The following DLG2 variants were observed in gnomAD, a reference collection of about 807,000 sequenced individuals.
DLG2 encodes the protein discs large MAGUK scaffold protein 2.
In DLG2, 45 loss-of-function variants were observed where a neutral mutation model predicts 132.5. The ratio of observed to expected loss-of-function variants is 0.34; its 90% CI spans 0.27 to 0.44. The LOEUF is 0.44. Among genes scored for constraint, DLG2 ranks in the 20% least tolerant of loss-of-function variants. The probability of loss-of-function intolerance (pLI) is 1.00; values close to 1 mark genes in which losing one functional copy is unlikely to be tolerated. For missense variants in DLG2, 1,045 were observed against 1,196.9 expected, an observed-to-expected ratio of 0.87 and a Z score of 1.87; for synonymous variants, 424 against 419.6, an observed-to-expected ratio of 1.01 and a Z score of -0.13.
At chr11:83,672,993 C>T (rs548030347) in intron 18 of DLG2, among the ~76,000 whole-genome samples, 63 of 152,182 alleles carry the variant, frequency 4.1e-4, no homozygotes, top group South Asian at 2.5e-3. Flanking sequence ...ACCCGGGAGT[C>T]GGAGGTTGCA....
At chr11:85,002,698 A>G (rs1160481337) in intron 6 of DLG2, among the ~76,000 whole-genome samples, 1 of 151,992 alleles carries the variant, frequency 6.6e-6, no homozygotes, top group African/African-American at 2.4e-5. Flanking sequence ...CATGGATTTG[A>G]CCTGCAGAGG....
intron 4 of DLG2, among the ~76,000 whole-genome samples, chr11:85,183,916 G>A (rs1379777192): frequency 6.6e-6 from 1 of 151,844 alleles, no homozygotes; most frequent in Admixed American, 6.6e-5. Context: ...ATTATGTGCT[G>A]GGCACTCTAT....
intron 3 of DLG2, among the ~76,000 whole-genome samples, chr11:85,456,479 T>C (rs565084144): frequency 6.6e-6 from 1 of 152,324 alleles, no homozygotes; most frequent in African/African-American, 2.4e-5. Context: ...AGTTCAGCTC[T>C]AATTTTGGTT....
chr11:83,871,104 C>T (rs2063360478), intron 16 of DLG2, among the ~76,000 whole-genome samples: 1 of 152,188 alleles, frequency 6.6e-6, no homozygotes, highest in South Asian at 2.1e-4. Flanking sequence ...TCCTTGATCA[C>T]TAGGAGACTG....
intron 6 of DLG2, chr11:84,923,482 G>GA (rs1200754074): frequency 2.3e-6 from 1 of 426,120 alleles, no homozygotes; most frequent in African/African-American, 2.4e-5. Flanking sequence ...AGGAGGGGGG[G>GA]AAAGGTGAAG....
chr11:85,400,906 C>A (rs1355656165), intron 3 of DLG2, among the ~76,000 whole-genome samples: 2 of 148,086 alleles, frequency 1.4e-5, no homozygotes, highest in Non-Finnish European at 3.0e-5. Flanking sequence ...ACATTGTGCA[C>A]ATGTACCCTA....
At chr11:85,085,835 G>T (rs2067852262) in intron 6 of DLG2, among the ~76,000 whole-genome samples, 1 of 152,192 alleles carries the variant, frequency 6.6e-6, no homozygotes, top group Admixed American at 6.5e-5. Context: ...TGCCTTCCTA[G>T]AAAAGTGCTT....
intron 3 of DLG2, among the ~76,000 whole-genome samples, chr11:85,567,353 TAG>T (rs1231768897): frequency 2.0e-5 from 3 of 152,188 alleles, no homozygotes. Context: ...AGCAATGTTT[TAG>T]AGTTTTAGTC....
intron 15 of DLG2, among the ~76,000 whole-genome samples, chr11:83,896,898 G>T (rs1345104843): frequency 2.0e-5 from 3 of 152,090 alleles, no homozygotes; most frequent in Admixed American, 1.3e-4. Flanking sequence ...TATAAAGCTT[G>T]AAACTACAGT....
At chr11:83,567,737 A>G (rs1046216732) in intron 19 of DLG2, among the ~76,000 whole-genome samples, 3 of 152,204 alleles carry the variant, frequency 2.0e-5, no homozygotes, top group African/African-American at 7.2e-5. Flanking sequence ...AAGTATAGTG[A>G]AGATGGCAGC....
At chr11:84,399,881 C>T (rs1197890048) in intron 7 of DLG2, among the ~76,000 whole-genome samples, 1 of 152,216 alleles carries the variant, frequency 6.6e-6, no homozygotes, top group Non-Finnish European at 1.5e-5. Context: ...CACGTCTGGC[C>T]CACTACGTTT....
At chr11:84,110,428 CTG>C (rs1364624617) in intron 9 of DLG2, among the ~76,000 whole-genome samples, 1 of 152,008 alleles carries the variant, frequency 6.6e-6, no homozygotes, top group African/African-American at 2.4e-5. Context: ...GAATTTATAT[CTG>C]TAAATATATA....
intron 3 of DLG2, among the ~76,000 whole-genome samples, chr11:85,545,948 G>A (rs185365068): frequency 1.3e-5 from 2 of 152,180 alleles, no homozygotes; most frequent in African/African-American, 4.8e-5. Context: ...CCAGCTCCTG[G>A]ATTCATTGAT....
intron 8 of DLG2, among the ~76,000 whole-genome samples, chr11:84,237,589 C>T (rs1901973): frequency 0.71 from 108,037 of 151,988 alleles, 39,544 homozygotes; most frequent in Middle Eastern, 0.85. Context: ...AATGCATTTC[C>T]ATTAATGCTG....
chr11:84,640,559 T>C (rs1440689959), intron 6 of DLG2: 1 of 314,282 alleles, frequency 3.2e-6, no homozygotes, highest in East Asian at 9.4e-5. Context: ...TGCAGGATGA[T>C]GAATAAGGTC....
At position 83,463,728 on chromosome 11, in the gene DLG2, C is replaced by T. The variant is rs1446038056; in HGVS notation, c.2730-1635G>A. ...ATGGCTTGAGCCCACGAGGTCATGA[C>T]TGCAGTGAGCCATGATGGCACCACT... On this transcript the variant is annotated intron_variant, in intron 26 of 27. Coordinates refer to ENST00000376104, the MANE Select transcript of DLG2 (RefSeq NM_001142699.3). Among the ~76,000 whole-genome samples, 3 of 152,298 alleles carry T rather than the reference C, an allele frequency of 2.0e-5. No homozygotes were observed. In the East Asian group the frequency reaches 5.8e-4, roughly 29 times the overall value.
At chr11:84,793,186 G>T (rs1411288012) in intron 6 of DLG2, among the ~76,000 whole-genome samples, 1 of 152,116 alleles carries the variant, frequency 6.6e-6, no homozygotes, top group Non-Finnish European at 1.5e-5. Flanking sequence ...TCATTCAGAA[G>T]CACATTGTTT....
chr11:85,041,528 G>A (rs1047219586), intron 6 of DLG2, among the ~76,000 whole-genome samples: 1 of 151,846 alleles, frequency 6.6e-6, no homozygotes, highest in East Asian at 1.9e-4. Context: ...CAGGGGAGTG[G>A]CATAAAAAAG....
intron 7 of DLG2, among the ~76,000 whole-genome samples, chr11:84,287,898 G>A (rs2097929041): frequency 6.6e-6 from 1 of 151,920 alleles, no homozygotes; most frequent in South Asian, 2.1e-4. Context: ...GGTGAACTTG[G>A]ATTACTAGTG....
Sources: allele counts gnomAD v4.1 joint callset (sites outside exome capture counted in the v4.1 genomes callset), GRCh38; gene constraint gnomAD v4.1.1; transcripts MANE v1.5; gene names NCBI Gene and HGNC (gene_info 2026-07-23, HGNC 2026-07-21).